QDPR: variants seen among roughly 807,000 people sequenced by gnomAD.
QDPR encodes quinoid dihydropteridine reductase, also known as dihydropteridine reductase.
QDPR carries 23 observed loss-of-function variants against 31.7 expected under a neutral mutation model. That is an observed-to-expected ratio of 0.73 (90% CI 0.52 to 1.03). QDPR has a LOEUF of 1.03. Ranked by LOEUF, QDPR falls within the 50% of genes least tolerant of loss-of-function variation. QDPR has a pLI of 0.00. For synonymous variants in QDPR, 124 were observed against 124.7 expected, an observed-to-expected ratio of 0.99 and a Z score of 0.03; for missense variants, 324 against 323.8, an observed-to-expected ratio of 1.00 and a Z score of 0.00.
intron 4 of QDPR, among the ~76,000 whole-genome samples, chr4:17,496,385 G>A (rs973117352): frequency 2.0e-4 from 28 of 139,626 alleles, no homozygotes; most frequent in Non-Finnish European, 2.9e-4. Context: ...CAGACGTTGC[G>A]GTGAGCCAAG....
At chr4:17,508,615 T>A in intron 2 of QDPR, among the ~76,000 whole-genome samples, 1 of 143,250 alleles carries the variant, frequency 7.0e-6, no homozygotes, top group African/African-American at 2.6e-5. Context: ...TTCAGTAATC[T>A]GGAGAATTAT....
Position 17,509,268 on chromosome 4 carries a change from T to G in QDPR, c.198+3A>C. On this transcript the variant is annotated splice_donor_region_variant and intron_variant, in intron 2 of 6. Transcript: ENST00000281243. ...CAATGTTTGGGGGCCTTTTTGAAAC[T>G]ACCTGGTCAGCCTGCTCAGTGAACG... is the stretch of plus-strand genomic sequence containing the variant. 1 of 1,613,528 alleles carries G rather than the reference T, an allele frequency of 6.2e-7. No individual in the cohort carries two copies. Among genetic ancestry groups the G allele is most frequent in the Non-Finnish European group, 8.5e-7 (1 of 1,179,524 alleles).
chr4:17,504,639 T>C (rs1269990817), intron 2 of QDPR, among the ~76,000 whole-genome samples, 164 bp from the exon 3 acceptor site: 2 of 152,184 alleles, frequency 1.3e-5, no homozygotes, highest in Non-Finnish European at 2.9e-5. Flanking sequence ...CTGATGAGCA[T>C]TTTAGACATT....
chr4:17,504,795 G>T (rs1718699681), intron 2 of QDPR, among the ~76,000 whole-genome samples: 1 of 150,946 alleles, frequency 6.6e-6, no homozygotes, highest in Non-Finnish European at 1.5e-5. Context: ...AAAGAAAAAA[G>T]CACCTAGAGC....
At chr4:17,506,302 G>C (rs1325127266) in intron 2 of QDPR, among the ~76,000 whole-genome samples, 1 of 151,974 alleles carries the variant, frequency 6.6e-6, no homozygotes, top group African/African-American at 2.4e-5. Context: ...GCTAATTTTT[G>C]TATTTTTTTG....
At chr4:17,489,824 A>C (rs997475156) in intron 6 of QDPR, among the ~76,000 whole-genome samples, 1 of 152,250 alleles carries the variant, frequency 6.6e-6, no homozygotes, top group East Asian at 1.9e-4. Flanking sequence ...CCAGAAGCAC[A>C]CTGCTAACTT....
intron 5 of QDPR, among the ~76,000 whole-genome samples, chr4:17,491,575 C>T (rs1027457414): frequency 3.3e-5 from 5 of 152,048 alleles, no homozygotes; most frequent in Non-Finnish European, 7.3e-5. Flanking sequence ...CATATAATGA[C>T]TTGAAAGACA....
chr4:17,506,822 C>T (rs114246254), intron 2 of QDPR, among the ~76,000 whole-genome samples: 80 of 152,236 alleles, frequency 5.3e-4, no homozygotes, highest in African/African-American at 1.5e-3. Flanking sequence ...AAATGAAGTG[C>T]TAAAATAAGT....
chr4:17,490,363 T>C (rs1179444309), intron 6 of QDPR: 2 of 393,080 alleles, frequency 5.1e-6, no homozygotes, highest in Non-Finnish European at 9.8e-6. Context: ...ATGGACCTCA[T>C]GATACAGGTG....
chr4:17,490,916 G>C (rs925408063), intron 5 of QDPR, among the ~76,000 whole-genome samples, 171 bp from the exon 6 acceptor site: 1 of 152,200 alleles, frequency 6.6e-6, no homozygotes, highest in African/African-American at 2.4e-5. Context: ...CAGAGAGAGA[G>C]CAGGAAGCTG....
At chr4:17,502,308 T>C (rs1290942270) in intron 3 of QDPR, among the ~76,000 whole-genome samples, 1 of 152,214 alleles carries the variant, frequency 6.6e-6, no homozygotes, top group Non-Finnish European at 1.5e-5. Context: ...GAAAGTTTAA[T>C]GTTAGCTTTA....
rs759025201 is a variant in QDPR at position 17,512,047 on chromosome 4, G to A, written c.8C>T (p.Ala3Val). ...GCGCGCCTCGCCTGCAGCCGCCGCC[G>A]CCGCCATCCTGCTCCTGCCAGCCCG... MA[A>V]AAAAGEARRV... is the part of the protein sequence containing the mutation. The change falls in exon 1 of 7, where the codon GCG becomes GTG. Residue 3 changes from alanine to valine, a missense_variant. Ala to Val is a moderately conservative substitution (Grantham distance 64). Coordinates refer to ENST00000281243, the MANE Select transcript of QDPR (RefSeq NM_000320.3). The A allele has an allele frequency of 7.5e-6, 12 of 1,600,752 alleles. No individual in the cohort carries two copies. The highest frequency in any genetic ancestry group is 3.4e-6 in the Non-Finnish European group (4 of 1,175,202).
At chr4:17,495,935 C>T (rs1023210339) in intron 4 of QDPR, among the ~76,000 whole-genome samples, 16 of 151,918 alleles carry the variant, frequency 1.1e-4, no homozygotes, top group Non-Finnish European at 1.3e-4. Context: ...CTGGAGCCCC[C>T]GGGAGGTCGA....
At chr4:17,511,863 T>G in intron 1 of QDPR, 87 bp downstream of exon 1, 1 of 1,400,562 alleles carries the variant, frequency 7.1e-7, no homozygotes, top group Non-Finnish European at 9.7e-7. Context: ...GGCCCCCACC[T>G]TCCTCTAGAC....
Position 17,512,042 on chromosome 4 carries a change from C to T in QDPR, c.13G>A (p.Ala5Thr), listed in dbSNP as rs746680783. 3.1e-6 allele frequency: 5 copies of T among 1,602,254 alleles called. No homozygotes were observed. The South Asian group carries it at 5.5e-5, about 18-fold the overall frequency. MAAAAAAGEARRVLV... is the reference protein window; with the variant it reads MAAATAAGEARRVLV... ...ACCCGGCGCGCCTCGCCTGCAGCCG[C>T]CGCCGCCGCCATCCTGCTCCTGCCA... Residue 5 changes from alanine to threonine, a missense_variant, in exon 1 of 7, where the codon GCG becomes ACG. By Grantham distance (58) the Ala-to-Thr change is moderately conservative. Coordinates refer to ENST00000281243, the MANE Select transcript of QDPR (RefSeq NM_000320.3).
chr4:17,498,112 C>T (rs1718430133), intron 4 of QDPR, among the ~76,000 whole-genome samples: 2 of 152,172 alleles, frequency 1.3e-5, no homozygotes, highest in African/African-American at 4.8e-5. Context: ...AACTTCTCCA[C>T]CTTCTGAAAA....
intron 1 of QDPR, 86 bp downstream of exon 1, chr4:17,511,864 T>C (rs933157022): frequency 7.1e-6 from 10 of 1,401,742 alleles, no homozygotes; most frequent in African/African-American, 1.5e-5. Flanking sequence ...GCCCCCACCT[T>C]CCTCTAGACT....
chr4:17,492,169 CA>C lies in QDPR; in HGVS notation c.545+62del, dbSNP rs1171209918. The C allele has an allele frequency of 1.6e-5, 23 of 1,438,016 alleles. No individual in the cohort carries two copies. The African/African-American group carries it at 3.1e-4, about 19-fold the overall frequency. 89.1% of individuals were successfully genotyped at this position (1,438,016 alleles called of 1,614,324 possible). A position where few individuals can be genotyped will look rare whatever the true frequency, so the allele number is the denominator to read the frequency against. ...TCGCCTGTGGAAAGCTACAGTCAGA[CA>C]AACGGTCACCTGCAGCAGTGGGGCA... is the stretch of plus-strand genomic sequence containing the variant. On this transcript the variant is annotated intron_variant, in intron 5 of 6. Coordinates refer to ENST00000281243, the MANE Select transcript of QDPR (RefSeq NM_000320.3).
intron 4 of QDPR, chr4:17,492,618 A>C: frequency 1.9e-6 from 1 of 515,500 alleles, no homozygotes; most frequent in Non-Finnish European, 3.5e-6. Context: ...TCCAAGCTGC[A>C]GCATTCCAGG....
Sources: allele counts gnomAD v4.1 joint callset (sites outside exome capture counted in the v4.1 genomes callset), GRCh38; gene constraint gnomAD v4.1.1; transcripts MANE v1.5; gene names NCBI Gene and HGNC (gene_info 2026-07-23, HGNC 2026-07-21).